NDN: variants seen among roughly 807,000 people sequenced by gnomAD.
NDN encodes necdin.
For synonymous variants in NDN, 245 were observed against 189.4 expected, an observed-to-expected ratio of 1.29 and a Z score of -2.41; for missense variants, 465 against 440.4, an observed-to-expected ratio of 1.06 and a Z score of -0.50.
At position 23,687,305 on chromosome 15, in the gene NDN, C is replaced by G; in HGVS notation, c.-88G>C. The G allele has an allele frequency of 7.7e-7, 1 of 1,296,284 alleles. No individual in the cohort carries two copies. Among genetic ancestry groups the G allele is most frequent in the Non-Finnish European group, 9.9e-7 (1 of 1,013,918 alleles). 80.3% of individuals were successfully genotyped at this position (1,296,284 alleles called of 1,614,324 possible). ...TCCGCGGATTCCTGGAGAGGAAGTG[C>G]GCGTTGCTGCGCGCGGCGCCTTCCG... On this transcript the variant is annotated 5_prime_UTR_variant, in exon 1 of 1. Transcript: ENST00000649030.
chr15:23,687,159 G>A lies in NDN; in HGVS notation c.59C>T (p.Ser20Phe). ...DPNFAAEAPN[S>F]EVHSSPGVSE... ...AACCCCAGGGCTGCTGTGCACCTCGGAGTTGGGGGCCTCGGCTGCAAAGTT... is the reference window on the plus strand; with the variant it reads ...AACCCCAGGGCTGCTGTGCACCTCGAAGTTGGGGGCCTCGGCTGCAAAGTT... The change falls in exon 1 of 1, where the codon TCC becomes TTC. Residue 20 changes from serine to phenylalanine, a missense_variant. Transcript: ENST00000649030. 1 of 1,544,066 alleles carries A rather than the reference G, an allele frequency of 6.5e-7. No individual in the cohort carries two copies. The highest frequency in any genetic ancestry group is 8.7e-7 in the Non-Finnish European group (1 of 1,149,922).
chr15:23,687,266 G>A lies in NDN; in HGVS notation c.-49C>T. 2 of 1,357,324 alleles carry A rather than the reference G, an allele frequency of 1.5e-6. No individual in the cohort carries two copies. Among genetic ancestry groups the A allele is most frequent in the Middle Eastern group, 2.0e-4 (1 of 4,960 alleles). 84.1% of individuals were successfully genotyped at this position (1,357,324 alleles called of 1,614,324 possible). On this transcript the variant is annotated 5_prime_UTR_variant, in exon 1 of 1. Coordinates refer to ENST00000649030, the MANE Select transcript of NDN (RefSeq NM_002487.3). ...GGGCCTCTGCGTCCAGGAGCTCTTC[G>A]AGCCTGCGCTCCCTCCGCGGATTCC... is the stretch of plus-strand genomic sequence containing the variant.
Position 23,686,931 on chromosome 15 carries a change from G to A in NDN, c.287C>T (p.Ala96Val), listed in dbSNP as rs1382689014. 5.0e-6 allele frequency: 8 copies of A among 1,611,506 alleles called. No homozygotes were observed. Among genetic ancestry groups the A allele is most frequent in the African/African-American group, 2.7e-5 (2 of 74,832 alleles). Residue 96 changes from alanine to valine, a missense_variant, in exon 1 of 1, where the codon GCG (alanine) becomes GTG (valine). By Grantham distance (64) the Ala-to-Val change is moderately conservative. Transcript: ENST00000649030. ...CTCGTGCGCCTTCTGCACCAGCTGCGCCGGGGCTGGCGGTGCCGGGCCCGG... is the reference window on the plus strand; with the variant it reads ...CTCGTGCGCCTTCTGCACCAGCTGCACCGGGGCTGGCGGTGCCGGGCCCGG... ...AQPGPAPPAPAQLVQKAHELM... is the reference protein window; with the variant it reads ...AQPGPAPPAPVQLVQKAHELM...
chr15:23,686,178 A>G lies in NDN; in HGVS notation c.*74T>C. The G allele has an allele frequency of 2.0e-6, 3 of 1,475,244 alleles. No individual in the cohort carries two copies. The allele number at this position is 1,475,244 out of a possible 1,614,324, so 91.4% of individuals were successfully genotyped here. On this transcript the variant is annotated 3_prime_UTR_variant, in exon 1 of 1. Coordinates refer to ENST00000649030, the MANE Select transcript of NDN (RefSeq NM_002487.3). Reference sequence around the variant, plus strand: ...GAATACTGCACTGTAAATCCTGAATACTATAATGACCCACCCCCACCCTTC... The same window carrying G: ...GAATACTGCACTGTAAATCCTGAATGCTATAATGACCCACCCCCACCCTTC...
At position 23,686,427 on chromosome 15, in the gene NDN, G is replaced by T. The variant is rs755074055; in HGVS notation, c.791C>A (p.Ser264Tyr). The T allele has an allele frequency of 6.2e-7, 1 of 1,608,776 alleles. No individual in the cohort carries two copies. Among genetic ancestry groups the T allele is most frequent in the Non-Finnish European group, 8.5e-7 (1 of 1,176,638 alleles). ...CTTGGTGATTTCGCGGCTGGCCCGG[G>T]AGCCCCAAAAGAACTCGTATTCGGG... ...EPPEYEFFWGSRASREITKMQ... is the reference protein window; with the variant it reads ...EPPEYEFFWGYRASREITKMQ... Residue 264 changes from serine to tyrosine, a missense_variant, in exon 1 of 1, where the codon TCC (serine) becomes TAC (tyrosine). By Grantham distance (144) the Ser-to-Tyr change is moderately radical. Transcript: ENST00000649030.
At position 23,686,692 on chromosome 15, in the gene NDN, G is replaced by T. The variant is rs1178303730; in HGVS notation, c.526C>A (p.Leu176Met). ...CGGTTGCTCAGCGCCACCCTGTCCA[G>T]CTCCTCGGGCTCCAGCGCTTTGACC... ...ALVKALEPEE[L>M]DRVALSNRMP... The change falls in exon 1 of 1, where the codon CTG becomes ATG. Residue 176 changes from leucine to methionine, a missense_variant. Transcript: ENST00000649030. The T allele has an allele frequency of 1.2e-6, 2 of 1,613,760 alleles. No homozygotes were observed. Among genetic ancestry groups the T allele is most frequent in the South Asian group, 2.2e-5 (2 of 91,058 alleles).
At position 23,686,750 on chromosome 15, in the gene NDN, C is replaced by T. The variant is rs1891152569; in HGVS notation, c.468G>A (p.Arg156=). The part of the protein sequence containing the change: ...ILARVFGLHL[R]LTSLHTMEFA... ...ACTCCATGGTGTGCAGGCTGGTTAG[C>T]CTCAGGTGCAGCCCGAACACCCGGG... The change falls in exon 1 of 1, where the codon AGG becomes AGA. Residue 156 remains arginine, a synonymous_variant. Coordinates refer to ENST00000649030, the MANE Select transcript of NDN (RefSeq NM_002487.3). The T allele has an allele frequency of 1.2e-6, 2 of 1,614,044 alleles. No individual in the cohort carries two copies. Among genetic ancestry groups the T allele is most frequent in the Non-Finnish European group, 1.7e-6 (2 of 1,180,014 alleles).
chr15:23,686,720 C>T lies in NDN; in HGVS notation c.498G>A (p.Ala166=), dbSNP rs754515050. ...RLTSLHTMEF[A]LVKALEPEEL... ...CCTCGGGCTCCAGCGCTTTGACCAG[C>T]GCAAACTCCATGGTGTGCAGGCTGG... The change falls in exon 1 of 1, where the codon GCG becomes GCA. Residue 166 remains alanine (A), a synonymous_variant. Coordinates refer to ENST00000649030, the MANE Select transcript of NDN (RefSeq NM_002487.3). The T allele has an allele frequency of 6.2e-7, 1 of 1,613,982 alleles. No homozygotes were observed. The highest frequency in any genetic ancestry group is 8.5e-7 in the Non-Finnish European group (1 of 1,179,998).
Position 23,686,608 on chromosome 15 carries a change from C to G in NDN, c.610G>C (p.Gly204Arg). Residue 204 changes from glycine (G) to arginine (R), a missense_variant, in exon 1 of 1, where the codon GGC (glycine) becomes CGC (arginine). By Grantham distance (125) the Gly-to-Arg change is moderately radical (BLOSUM62 -2). Coordinates refer to ENST00000649030, the MANE Select transcript of NDN (RefSeq NM_002487.3). ...ILSLIYVKGR[G>R]ARESAVWNVL... ...TTCCAGACGGCGCTCTCTCTGGCGC[C>G]GCGGCCCTTCACGTAGATGAGGCTC... The G allele has an allele frequency of 1.2e-6, 2 of 1,613,242 alleles. No individual in the cohort carries two copies. Among genetic ancestry groups the G allele is most frequent in the Non-Finnish European group, 1.7e-6 (2 of 1,179,966 alleles).
Position 23,687,056 on chromosome 15 carries a change from G to A in NDN, c.162C>T (p.Ala54=), listed in dbSNP as rs1264629223. ...PPLGPTAAPQ[A]APPPQAPNDE... is the part of the protein sequence containing the mutation. Reference sequence around the variant, plus strand: ...CGTTCGGGGCCTGGGGAGGCGGCGCGGCCTGCGGAGCGGCCGTCGGGCCTA... The same window carrying A: ...CGTTCGGGGCCTGGGGAGGCGGCGCAGCCTGCGGAGCGGCCGTCGGGCCTA... Residue 54 remains alanine (A), a synonymous_variant, in exon 1 of 1, where the codon GCC becomes GCT. Transcript: ENST00000649030. 9.8e-6 allele frequency: 15 copies of A among 1,537,286 alleles called. No individual in the cohort carries two copies. The highest frequency in any genetic ancestry group is 1.2e-5 in the Non-Finnish European group (14 of 1,145,028).
chr15:23,686,196 C>T lies in NDN; in HGVS notation c.*56G>A. On this transcript the variant is annotated 3_prime_UTR_variant, in exon 1 of 1. Transcript: ENST00000649030. ...CCTGAATACTATAATGACCCACCCC[C>T]ACCCTTCCACAGCCCTGGTGAGGGT... The T allele has an allele frequency of 1.3e-6, 2 of 1,495,564 alleles. No homozygotes were observed. The highest frequency in any genetic ancestry group is 1.4e-5 in the African/African-American group (1 of 71,442). 92.6% of individuals were successfully genotyped at this position (1,495,564 alleles called of 1,614,324 possible).
Position 23,686,963 on chromosome 15 carries a change from C to A in NDN, c.255G>T (p.Ala85=), listed in dbSNP as rs762568781. 1.9e-6 allele frequency: 3 copies of A among 1,582,634 alleles called. No individual in the cohort carries two copies. The highest frequency in any genetic ancestry group is 2.3e-5 in the South Asian group (2 of 88,224). Residue 85 remains alanine, a synonymous_variant, in exon 1 of 1, where the codon GCG becomes GCT. Transcript: ENST00000649030. ...EEGRAHQAPS[A]AQPGPAPPAP... ...CTGGCGGTGCCGGGCCCGGCTGGGC[C>A]GCGCTCGGGGCCTGGTGGGCGCGGC...
Position 23,687,145 on chromosome 15 carries a change from T to C in NDN, c.73A>G (p.Ser25Gly), listed in dbSNP as rs1293285737. Residue 25 changes from serine (S) to glycine (G), a missense_variant, in exon 1 of 1, where the codon AGC becomes GGC. By Grantham distance (56) the Ser-to-Gly change is moderately conservative. Transcript: ENST00000649030. The part of the protein sequence containing the change: ...AEAPNSEVHS[S>G]PGVSEGVPPS... ...GGAACCCCCTCCGAAACCCCAGGGC[T>C]GCTGTGCACCTCGGAGTTGGGGGCC... The C allele has an allele frequency of 6.4e-7, 1 of 1,564,642 alleles. No individual in the cohort carries two copies.
In NDN at chr15:23,686,073, C is replaced by G. The variant is rs769242361; in HGVS notation, c.*179G>C. On this transcript the variant is annotated 3_prime_UTR_variant, in exon 1 of 1. Coordinates refer to ENST00000649030, the MANE Select transcript of NDN (RefSeq NM_002487.3). ...AACAAACATGCATACATCCTAAATA[C>G]TACACAATAGTACCCAAATGAATAC... 20 of 679,294 alleles carry G rather than the reference C, an allele frequency of 2.9e-5. No homozygotes were observed. Among genetic ancestry groups the G allele is most frequent in the Non-Finnish European group, 4.1e-5 (19 of 464,514 alleles). 42.1% of individuals were successfully genotyped at this position (679,294 alleles called of 1,614,324 possible).
Position 23,687,208 on chromosome 15 carries a change from G to A in NDN, c.10C>T (p.Gln4Ter). The A allele has an allele frequency of 6.7e-7, 1 of 1,482,072 alleles. No homozygotes were observed. Among genetic ancestry groups the A allele is most frequent in the Non-Finnish European group, 8.9e-7 (1 of 1,118,030 alleles). 91.8% of individuals were successfully genotyped at this position (1,482,072 alleles called of 1,614,324 possible). MSE[Q>*]SKDLSDPNFA... is the part of the protein sequence containing the mutation. ...TTAGGGTCGCTCAGATCCTTACTTT[G>A]TTCTGACATGTCTGCGCCGTCTGGC... The change falls in exon 1 of 1, where the codon CAA becomes TAA. Residue 4 changes from glutamine (Q) to a stop codon, truncating the protein, a stop_gained. Transcript: ENST00000649030. LOFTEE classifies it low-confidence loss of function (END_TRUNC).
chr15:23,686,256 T>A lies in NDN; in HGVS notation c.962A>T (p.Asp321Val), dbSNP rs150710560. Residue 321 changes from aspartate to valine, a missense_variant, in exon 1 of 1, where the codon GAC becomes GTC. By Grantham distance (152) the Asp-to-Val change is radical (BLOSUM62 -3). Coordinates refer to ENST00000649030, the MANE Select transcript of NDN (RefSeq NM_002487.3). ...AHYPRSSVSE[D>V] ...TTCATCTGCCTCCAGACTTTGCTAG[T>A]CCTCAGAGACACTGCTGCGAGGGTA... 74 of 1,507,734 alleles carry A rather than the reference T, an allele frequency of 4.9e-5. No individual in the cohort carries two copies. The highest frequency in any genetic ancestry group is 7.0e-5 in the African/African-American group (5 of 71,440). 93.4% of individuals were successfully genotyped at this position (1,507,734 alleles called of 1,614,324 possible). A position where few individuals can be genotyped will look rare whatever the true frequency, so the allele number is the denominator to read the frequency against.
rs1264404808 is a variant in NDN, at chr15:23,686,260, C to T, written c.958G>A (p.Glu320Lys). ...TCTGCCTCCAGACTTTGCTAGTCCT[C>T]AGAGACACTGCTGCGAGGGTAGTGG... The part of the protein sequence containing the change: ...TAHYPRSSVS[E>K]D The change falls in exon 1 of 1, where the codon GAG becomes AAG. Residue 320 changes from glutamate to lysine, a missense_variant. Glu to Lys is a moderately conservative substitution (Grantham distance 56). Coordinates refer to ENST00000649030, the MANE Select transcript of NDN (RefSeq NM_002487.3). 6.6e-7 allele frequency: 1 copy of T among 1,509,618 alleles called. No individual in the cohort carries two copies. The highest frequency in any genetic ancestry group is 8.8e-7 in the Non-Finnish European group (1 of 1,130,680). 93.5% of individuals were successfully genotyped at this position (1,509,618 alleles called of 1,614,324 possible).
In NDN at chr15:23,687,257, G is replaced by A. The variant is rs778711041; in HGVS notation, c.-40C>T. 1.9e-5 allele frequency: 26 copies of A among 1,373,516 alleles called. No homozygotes were observed. Among genetic ancestry groups the A allele is most frequent in the South Asian group, 5.9e-5 (3 of 51,000 alleles). 85.1% of individuals were successfully genotyped at this position (1,373,516 alleles called of 1,614,324 possible). On this transcript the variant is annotated 5_prime_UTR_variant, in exon 1 of 1. Transcript: ENST00000649030. ...GCAAGGGCAGGGCCTCTGCGTCCAG[G>A]AGCTCTTCGAGCCTGCGCTCCCTCC...
rs1419710733 is a variant in NDN at position 23,686,287 on chromosome 15, C to A, written c.931G>T (p.Ala311Ser). Residue 311 changes from alanine (A) to serine (S), a missense_variant, in exon 1 of 1, where the codon GCC (alanine) becomes TCC (serine). Coordinates refer to ENST00000649030, the MANE Select transcript of NDN (RefSeq NM_002487.3). ...GAGACACTGCTGCGAGGGTAGTGGG[C>A]AGTGGGATTAGCCTCCCGCAGAGCT... ...ARALREANPT[A>S]HYPRSSVSED 1 of 1,514,352 alleles carries A rather than the reference C, an allele frequency of 6.6e-7. No homozygotes were observed. Among genetic ancestry groups the A allele is most frequent in the Non-Finnish European group, 8.8e-7 (1 of 1,132,970 alleles). The allele number at this position is 1,514,352 out of a possible 1,614,324, so 93.8% of individuals were successfully genotyped here. A position where few individuals can be genotyped will look rare whatever the true frequency, so the allele number is the denominator to read the frequency against.
Sources: allele counts gnomAD v4.1 joint callset, GRCh38; gene constraint gnomAD v4.1.1; transcripts MANE v1.5; gene names NCBI Gene and HGNC (gene_info 2026-07-23, HGNC 2026-07-21).